VWC2: variants seen among roughly 807,000 people sequenced by gnomAD.
VWC2 encodes brorin.
Under a neutral mutation model 29.8 loss-of-function variants are expected in VWC2, and 14 were observed. The observed-to-expected ratio is 0.47, with a 90% CI of 0.31 to 0.74. The LOEUF (loss-of-function observed/expected upper bound fraction) is 0.74. Ranked by LOEUF, VWC2 falls within the 30% of genes least tolerant of loss-of-function variation. The pLI is 0.05. For missense variants in VWC2, 457 were observed against 459.8 expected (o/e 0.99, Z 0.05); for synonymous variants, 213 against 199.0 (o/e 1.07, Z -0.59).
chr7:49,786,776 G>A (rs1788309430), intron 2 of VWC2, among the ~76,000 whole-genome samples: 2 of 152,138 alleles, frequency 1.3e-5, no homozygotes, highest in Admixed American at 1.3e-4. Context: ...CTGCTTGTTT[G>A]TCTAATTTTG....
chr7:49,861,074 G>A (rs965165258), intron 3 of VWC2, among the ~76,000 whole-genome samples: 2 of 152,182 alleles, frequency 1.3e-5, no homozygotes, highest in African/African-American at 4.8e-5. Context: ...CCTTTATCAT[G>A]GTGTCTGCAC....
At chr7:49,864,645 C>T (rs547141394) in intron 3 of VWC2, among the ~76,000 whole-genome samples, 1 of 152,310 alleles carries the variant, frequency 6.6e-6, no homozygotes, top group Non-Finnish European at 1.5e-5. Context: ...TCCCGAATGG[C>T]TTCTGAGTTA....
At chr7:49,896,965 G>A (rs1428157297) in intron 3 of VWC2, among the ~76,000 whole-genome samples, 3 of 142,372 alleles carry the variant, frequency 2.1e-5, no homozygotes, top group African/African-American at 5.3e-5. Context: ...GCGCAATCTC[G>A]GCTCACTGCA....
intron 3 of VWC2, among the ~76,000 whole-genome samples, chr7:49,811,971 A>G (rs1465031050): frequency 6.6e-6 from 1 of 152,242 alleles, no homozygotes; most frequent in African/African-American, 2.4e-5. Flanking sequence ...TAGTATATCC[A>G]TGTACTGAAT....
At chr7:49,906,175 C>G (rs1466961850) in intron 3 of VWC2, among the ~76,000 whole-genome samples, 1 of 152,160 alleles carries the variant, frequency 6.6e-6, no homozygotes, top group Non-Finnish European at 1.5e-5. Context: ...TCTATGGACT[C>G]ACCCCAAATT....
At chr7:49,795,910 T>C (rs1435101827) in intron 2 of VWC2, among the ~76,000 whole-genome samples, 2 of 152,080 alleles carry the variant, frequency 1.3e-5, no homozygotes, top group African/African-American at 4.8e-5. Flanking sequence ...CAGTGATAGA[T>C]CATCTGTGTC....
intron 3 of VWC2, among the ~76,000 whole-genome samples, chr7:49,891,013 T>G (rs1792104418): frequency 6.6e-6 from 1 of 152,142 alleles, no homozygotes; most frequent in Non-Finnish European, 1.5e-5. Flanking sequence ...GGCCATAGAT[T>G]TAAGCCAAAT....
chr7:49,911,867 A>C (rs1429637702), intron 3 of VWC2, among the ~76,000 whole-genome samples, 167 bp from the exon 4 acceptor site: 2 of 151,924 alleles, frequency 1.3e-5, no homozygotes, highest in Non-Finnish European at 1.5e-5. Context: ...ACTGCACTCC[A>C]GCCTGGGTGA....
chr7:49,858,036 G>A (rs758189930), intron 3 of VWC2, among the ~76,000 whole-genome samples: 44 of 152,002 alleles, frequency 2.9e-4, no homozygotes, highest in Non-Finnish European at 5.7e-4. Flanking sequence ...AGCTATACAT[G>A]GTATTTCTAG....
intron 2 of VWC2, among the ~76,000 whole-genome samples, chr7:49,800,801 C>A (rs1465179041): frequency 6.9e-6 from 1 of 145,902 alleles, no homozygotes; most frequent in African/African-American, 2.5e-5. Context: ...GGAAATGAGA[C>A]CCACAATGAT....
At chr7:49,827,824 C>T (rs1789439524) in intron 3 of VWC2, among the ~76,000 whole-genome samples, 1 of 152,146 alleles carries the variant, frequency 6.6e-6, no homozygotes, top group South Asian at 2.1e-4. Flanking sequence ...TAGTATTTTA[C>T]TGTAAAATGC....
intron 3 of VWC2, among the ~76,000 whole-genome samples, chr7:49,900,298 T>A (rs947593030): frequency 6.6e-6 from 1 of 151,562 alleles, no homozygotes; most frequent in Non-Finnish European, 1.5e-5. Flanking sequence ...AATTTCAAAG[T>A]AGGCCAAAGA....
chr7:49,780,344 C>T (rs2068096435), intron 2 of VWC2, among the ~76,000 whole-genome samples: 1 of 152,124 alleles, frequency 6.6e-6, no homozygotes, highest in Non-Finnish European at 1.5e-5. Context: ...GGGAGAGGGG[C>T]TGTATTGAGC....
intron 3 of VWC2, among the ~76,000 whole-genome samples, chr7:49,862,198 A>C (rs1364056005): frequency 6.6e-6 from 1 of 152,134 alleles, no homozygotes; most frequent in Non-Finnish European, 1.5e-5. Flanking sequence ...TTTTACCTCA[A>C]ATTTATTCCT....
At chr7:49,795,359 G>A (rs1583632332) in intron 2 of VWC2, among the ~76,000 whole-genome samples, 1 of 152,174 alleles carries the variant, frequency 6.6e-6, no homozygotes, top group African/African-American at 2.4e-5. Context: ...GTCTGGAATG[G>A]GTGGAGTGTG....
intron 3 of VWC2, among the ~76,000 whole-genome samples, chr7:49,868,331 A>G (rs1334073710): frequency 6.6e-6 from 1 of 152,214 alleles, no homozygotes; most frequent in African/African-American, 2.4e-5. Flanking sequence ...TAGCCAAGTC[A>G]ATTTTGTAGA....
intron 3 of VWC2, among the ~76,000 whole-genome samples, chr7:49,818,513 G>A (rs928393482): frequency 1.3e-5 from 2 of 151,916 alleles, no homozygotes; most frequent in Non-Finnish European, 2.9e-5. Flanking sequence ...ATTCCTTGAA[G>A]ACCCTTGAGA....
intron 3 of VWC2, among the ~76,000 whole-genome samples, chr7:49,852,431 C>T (rs1353636439): frequency 6.6e-6 from 1 of 152,210 alleles, no homozygotes; most frequent in Non-Finnish European, 1.5e-5. Flanking sequence ...CTGTTTTGCA[C>T]TTGCTAGAAA....
At chr7:49,786,923 G>A (rs183321950) in intron 2 of VWC2, among the ~76,000 whole-genome samples, 28 of 152,282 alleles carry the variant, frequency 1.8e-4, no homozygotes, top group Admixed American at 1.8e-3. Context: ...CCATTCTGTA[G>A]ACTGTCTGTT....
Sources: gnomAD v4.1 joint callset for allele counts (sites outside exome capture counted in the v4.1 genomes callset) on GRCh38, gnomAD v4.1.1 for gene constraint, MANE v1.5 for transcripts, NCBI Gene and HGNC (gene_info 2026-07-23, HGNC 2026-07-21) for gene names.